Variants in B3GAT1 observed in about 807,000 individuals in gnomAD.
The protein encoded by B3GAT1 is beta-1,3-glucuronyltransferase 1.
A neutral mutation model predicts 28.4 loss-of-function variants in B3GAT1; 11 were observed. The observed-to-expected ratio is 0.39, with a 90% CI of 0.24 to 0.64. B3GAT1 has a LOEUF of 0.64. Ranked by LOEUF, B3GAT1 falls within the 30% of genes least tolerant of loss-of-function variation. The pLI, the probability that B3GAT1 is intolerant of heterozygous loss-of-function variation, is 0.50. For missense variants in B3GAT1, 375 were observed against 491.0 expected, an observed-to-expected ratio of 0.76 and a Z score of 2.23; for synonymous variants, 255 against 223.1, an observed-to-expected ratio of 1.14 and a Z score of -1.27.
chr11:134,404,168 C>G (rs1216212140), intron 1 of B3GAT1, among the ~76,000 whole-genome samples: 4 of 151,706 alleles, frequency 2.6e-5, no homozygotes, highest in African/African-American at 9.7e-5. Context: ...TATCCCTCCC[C>G]TCTCCCGCTA....
At chr11:134,410,293 C>T (rs987092852) in intron 1 of B3GAT1, among the ~76,000 whole-genome samples, 5 of 152,244 alleles carry the variant, frequency 3.3e-5, no homozygotes. Flanking sequence ...TTCCAGCTCA[C>T]CTGGACCTGG....
chr11:134,398,705 G>T (rs1055863810), intron 1 of B3GAT1, among the ~76,000 whole-genome samples: 2 of 152,140 alleles, frequency 1.3e-5, no homozygotes, highest in African/African-American at 4.8e-5. Context: ...CACCTCTCCT[G>T]GCCCTGGGTC....
At position 134,406,229 on chromosome 11, in the gene B3GAT1, C is replaced by T. The variant is rs527796364; in HGVS notation, c.-282+5578G>A. 2.0e-5 allele frequency among the ~76,000 whole-genome samples: 3 copies of T among 152,382 alleles called. No individual in the cohort carries two copies. In the South Asian group the frequency reaches 6.2e-4, roughly 32 times the overall value. On this transcript the variant is annotated intron_variant, in intron 1 of 5. Coordinates refer to ENST00000312527, the MANE Select transcript of B3GAT1 (RefSeq NM_054025.3). ...GCCCAGGCAGGGGCCTCTCACATCC[C>T]TTCCTCCATCCCTGCTCGACATGGT...
chr11:134,381,888 T>C (rs754942345), intron 5 of B3GAT1, 36 bp downstream of exon 5: 1 of 1,544,040 alleles, frequency 6.5e-7, no homozygotes, highest in South Asian at 1.1e-5. Context: ...GGTGCCGCCC[T>C]GCCCAGTGTG....
chr11:134,406,074 G>A (rs1019669470), intron 1 of B3GAT1, among the ~76,000 whole-genome samples: 5 of 152,252 alleles, frequency 3.3e-5, no homozygotes, highest in Admixed American at 6.5e-5. Context: ...GTGAGTTGCA[G>A]ACGCAGCTGG....
intron 4 of B3GAT1, among the ~76,000 whole-genome samples, chr11:134,382,383 A>G (rs774568235): frequency 6.8e-6 from 1 of 148,080 alleles, no homozygotes; most frequent in African/African-American, 2.5e-5. Context: ...TCACCTGCAT[A>G]TATGTGTGCA....
chr11:134,402,013 C>T (rs1944626860), intron 1 of B3GAT1, among the ~76,000 whole-genome samples: 1 of 151,794 alleles, frequency 6.6e-6, no homozygotes, highest in Non-Finnish European at 1.5e-5. Flanking sequence ...AGGCGGGGCC[C>T]CTGGAACCTG....
rs967418780 is a variant in B3GAT1 at position 134,399,302 on chromosome 11, C to T, written c.-281-11362G>A. Among the ~76,000 whole-genome samples the T allele has an allele frequency of 4.6e-5, 7 of 152,192 alleles. 1 individual carries two copies. The highest frequency in any genetic ancestry group is 6.5e-5 in the Admixed American group (1 of 15,292). On this transcript the variant is annotated intron_variant, in intron 1 of 5. Coordinates refer to ENST00000312527, the MANE Select transcript of B3GAT1 (RefSeq NM_054025.3). Reference sequence around the variant, plus strand: ...CCCTTGGACCCTGGTTCCAGCAAAACGCTCTTAACACACCAACCAACCTGC... The same window carrying T: ...CCCTTGGACCCTGGTTCCAGCAAAATGCTCTTAACACACCAACCAACCTGC...
intron 1 of B3GAT1, among the ~76,000 whole-genome samples, chr11:134,397,176 TG>T (rs1461092566): frequency 6.6e-6 from 1 of 152,202 alleles, no homozygotes; most frequent in Non-Finnish European, 1.5e-5. Flanking sequence ...CCCCTAATCC[TG>T]GGCCAGGTCA....
At chr11:134,406,644 T>TA (rs1245262909) in intron 1 of B3GAT1, among the ~76,000 whole-genome samples, 2 of 152,242 alleles carry the variant, frequency 1.3e-5, no homozygotes, top group East Asian at 3.9e-4. Context: ...AAATAAAAAA[T>TA]AAAAAAGCTC....
Position 134,412,139 on chromosome 11 carries a change from C to CGGGGGCGAGAGGGGCGAG in B3GAT1, c.-632_-615dup, listed in dbSNP as rs1944874556. ...GGGGAGGGGGAGCGGGGAGCGGGCG[C>CGGGGGCGAGAGGGGCGAG]GGGGGCGAGAGGGGCGAGGGGGGCG... is the stretch of plus-strand genomic sequence containing the variant. On this transcript the variant is annotated 5_prime_UTR_variant, in exon 1 of 6. Transcript: ENST00000312527. 2.5e-5 allele frequency among the ~76,000 whole-genome samples: 1 copy of CGGGGGCGAGAGGGGCGAG among 39,494 alleles called. No homozygotes were observed. The allele number at this position is 39,494 out of a possible 152,430, so 25.9% of individuals were successfully genotyped here.
intron 1 of B3GAT1, chr11:134,390,018 CAG>C: frequency 6.6e-6 from 1 of 152,368 alleles, no homozygotes; most frequent in South Asian, 2.1e-4. Context: ...CCACTCCATC[CAG>C]AGAGTCTCCC....
At chr11:134,383,120 C>A in intron 3 of B3GAT1, 114 bp from the exon 4 acceptor site, 2 of 1,226,732 alleles carry the variant, frequency 1.6e-6, no homozygotes, top group South Asian at 1.5e-5. Flanking sequence ...TGGCCAGCCG[C>A]GGCCACCTAG....
At position 134,380,564 on chromosome 11, in the gene B3GAT1, C is replaced by G. The variant is rs1251708499; in HGVS notation, c.*198G>C. ...CCCTGGTCACGCTGGATGGAGAGAA[C>G]AACAGGTCTGGGATTTCTGTGCTTA... On this transcript the variant is annotated 3_prime_UTR_variant, in exon 6 of 6. Coordinates refer to ENST00000312527, the MANE Select transcript of B3GAT1 (RefSeq NM_054025.3). 1 of 152,724 alleles carries G rather than the reference C, an allele frequency of 6.5e-6. No homozygotes were observed. The highest frequency in any genetic ancestry group is 1.5e-5 in the Non-Finnish European group (1 of 68,098). The allele number at this position is 152,724 out of a possible 1,614,324, so 9.5% of individuals were successfully genotyped here. A position where few individuals can be genotyped will look rare whatever the true frequency, so the allele number is the denominator to read the frequency against.
chr11:134,388,872 T>C (rs775357788), intron 1 of B3GAT1: 3 of 152,262 alleles, frequency 2.0e-5, no homozygotes, highest in Admixed American at 1.3e-4. Flanking sequence ...GGCACCTAGA[T>C]TGATTCCATG....
At chr11:134,397,794 C>T (rs902339363) in intron 1 of B3GAT1, among the ~76,000 whole-genome samples, 1 of 152,240 alleles carries the variant, frequency 6.6e-6, no homozygotes, top group African/African-American at 2.4e-5. Flanking sequence ...CCATGCCCTG[C>T]CTGCTCCTCT....
At chr11:134,407,774 C>T (rs1425675432) in intron 1 of B3GAT1, among the ~76,000 whole-genome samples, 3 of 151,428 alleles carry the variant, frequency 2.0e-5, no homozygotes, top group African/African-American at 7.3e-5. Flanking sequence ...CCTTCCAAAG[C>T]TAAACAGAAA....
At chr11:134,402,328 G>C (rs1944632942) in intron 1 of B3GAT1, among the ~76,000 whole-genome samples, 1 of 152,152 alleles carries the variant, frequency 6.6e-6, no homozygotes, top group East Asian at 1.9e-4. Flanking sequence ...CACTCAGGAA[G>C]GACCGGTGAT....
In B3GAT1 at chr11:134,379,428, G is replaced by A. The variant is rs58447122; in HGVS notation, c.*1334C>T. On this transcript the variant is annotated 3_prime_UTR_variant, in exon 6 of 6. Coordinates refer to ENST00000312527, the MANE Select transcript of B3GAT1 (RefSeq NM_054025.3). The stretch of plus-strand genomic sequence containing the variant: ...CGGATCACCACTAGAGAGCCCGGCT[G>A]GGCCAGGGGGTCAGAGCCCTTTCCA... 0.065 allele frequency: 9,873 copies of A among 152,568 alleles called. 531 individuals carry two copies. The highest frequency in any genetic ancestry group is 0.14 in the African/African-American group (5,905 of 41,520). The allele number at this position is 152,568 out of a possible 1,614,324, so 9.5% of individuals were successfully genotyped here. A position where few individuals can be genotyped will look rare whatever the true frequency, so the allele number is the denominator to read the frequency against.
Sources: allele counts gnomAD v4.1 joint callset (sites outside exome capture counted in the v4.1 genomes callset), GRCh38; gene constraint gnomAD v4.1.1; transcripts MANE v1.5; gene names NCBI Gene and HGNC (gene_info 2026-07-23, HGNC 2026-07-21).